Variants in GPC1 observed in about 807,000 individuals in gnomAD.
GPC1 encodes glypican 1.
A neutral mutation model predicts 51.5 loss-of-function variants in GPC1; 26 were observed. The observed-to-expected ratio is 0.50, with a 90% CI of 0.37 to 0.70. The LOEUF is 0.70. Among genes scored for constraint, GPC1 ranks in the 30% least tolerant of loss-of-function variants. GPC1 has a pLI of 0.00. For synonymous variants in GPC1, 380 were observed against 348.3 expected (o/e 1.09, Z -1.01); for missense variants, 775 against 800.5 (o/e 0.97, Z 0.38).
chr2:240,446,152 C>G (rs58375515), intron 1 of GPC1, among the ~76,000 whole-genome samples: 2,132 of 152,372 alleles, frequency 0.014, 43 homozygotes, highest in African/African-American at 0.049. Flanking sequence ...TGTGTCTGCG[C>G]CCAGGAGGGC....
rs1345540973 is a variant in GPC1, at chr2:240,467,248, CAG to C, written c.*959_*960del. 1 of 152,326 alleles carries C rather than the reference CAG, an allele frequency of 6.6e-6. No homozygotes were observed. Among genetic ancestry groups the C allele is most frequent in the Admixed American group, 6.5e-5 (1 of 15,290 alleles). The allele number at this position is 152,326 out of a possible 1,614,324, so 9.4% of individuals were successfully genotyped here. A position where few individuals can be genotyped will look rare whatever the true frequency, so the allele number is the denominator to read the frequency against. On this transcript the variant is annotated 3_prime_UTR_variant, in exon 9 of 9. Transcript: ENST00000264039. ...GTGACCCTCAGCTGTCACCTGCTCA[CAG>C]GGATGCTGGTGGCTGGTGAGACCCC...
chr2:240,458,191 A>C (rs1310960517), intron 1 of GPC1: 4 of 411,346 alleles, frequency 9.7e-6, no homozygotes, highest in Non-Finnish European at 1.6e-5. Flanking sequence ...ACACCCTTTA[A>C]AAAATGCAGT....
At chr2:240,437,006 C>A (rs1033828119) in intron 1 of GPC1, among the ~76,000 whole-genome samples, 25 of 152,356 alleles carry the variant, frequency 1.6e-4, no homozygotes, top group African/African-American at 6.0e-4. Context: ...TCTTGGAACC[C>A]AAGCTTCACC....
Position 240,462,508 on chromosome 2 carries a change from C to G in GPC1, c.643C>G (p.Arg215Gly), listed in dbSNP as rs748090900. The G allele has an allele frequency of 1.9e-6, 3 of 1,590,392 alleles. No individual in the cohort carries two copies. The highest frequency in any genetic ancestry group is 1.7e-6 in the Non-Finnish European group (2 of 1,169,904). ...GAGAGAGCTGCGCCTGCGGGCCACC[C>G]GTGCCTTCGTGGCTGCTCGCTCCTT... ...APRELRLRAT[R>G]AFVAARSFVQ... The change falls in exon 3 of 9, where the codon CGT becomes GGT. Residue 215 changes from arginine (R) to glycine (G), a missense_variant. Transcript: ENST00000264039.
chr2:240,458,005 C>T (rs117035719), intron 1 of GPC1: 101 of 469,170 alleles, frequency 2.2e-4, no homozygotes, highest in East Asian at 2.0e-3. Context: ...GCCTTAGAGG[C>T]GGGGGACGAG....
At chr2:240,460,122 C>G (rs2074204266) in intron 2 of GPC1, among the ~76,000 whole-genome samples, 1 of 152,204 alleles carries the variant, frequency 6.6e-6, no homozygotes, top group African/African-American at 2.4e-5. Context: ...GAGAGTCTGC[C>G]TGTCCCCAGG....
intron 1 of GPC1, chr2:240,450,662 C>T (rs1297610533): frequency 2.1e-6 from 1 of 470,532 alleles, no homozygotes; most frequent in South Asian, 1.5e-5. Context: ...CGTGCTTCCT[C>T]TGGGGAGGAG....
At position 240,466,546 on chromosome 2, in the gene GPC1, G is replaced by A. The variant is rs1457432045; in HGVS notation, c.*256G>A. On this transcript the variant is annotated 3_prime_UTR_variant, in exon 9 of 9. Coordinates refer to ENST00000264039, the MANE Select transcript of GPC1 (RefSeq NM_002081.3). ...AAGCCATGTATTTCAGGGACCTCAG[G>A]GGCACCTCCGGCTGCCTAGCCCTCC... The A allele has an allele frequency of 7.3e-5, 37 of 508,484 alleles. 1 individual carries two copies. Among genetic ancestry groups the A allele is most frequent in the Non-Finnish European group, 3.1e-5 (9 of 287,116 alleles). 31.5% of individuals were successfully genotyped at this position (508,484 alleles called of 1,614,324 possible). A position where few individuals can be genotyped will look rare whatever the true frequency, so the allele number is the denominator to read the frequency against.
At position 240,435,931 on chromosome 2, in the gene GPC1, G is replaced by A. The variant is rs1410607732; in HGVS notation, c.13G>A (p.Ala5Thr). MELRARGWWLLCAAA... is the reference protein window; with the variant it reads MELRTRGWWLLCAAA... ...CGCCGGCCCCGCCATGGAGCTCCGG[G>A]CCCGAGGCTGGTGGCTGCTATGTGC... Residue 5 changes from alanine (A) to threonine (T), a missense_variant, in exon 1 of 9, where the codon GCC becomes ACC. Ala to Thr is a moderately conservative substitution (Grantham distance 58, BLOSUM62 0). Coordinates refer to ENST00000264039, the MANE Select transcript of GPC1 (RefSeq NM_002081.3). 2.4e-6 allele frequency: 3 copies of A among 1,264,850 alleles called. No individual in the cohort carries two copies. The highest frequency in any genetic ancestry group is 3.2e-5 in the East Asian group (1 of 31,190). The allele number at this position is 1,264,850 out of a possible 1,614,324, so 78.4% of individuals were successfully genotyped here.
At chr2:240,455,245 C>A (rs940794501) in intron 1 of GPC1, among the ~76,000 whole-genome samples, 2 of 152,138 alleles carry the variant, frequency 1.3e-5, no homozygotes, top group Admixed American at 6.5e-5. Context: ...CCCCTTCCCC[C>A]CCAAAAAAAT....
chr2:240,450,280 C>T (rs1248656017), intron 1 of GPC1: 1 of 330,126 alleles, frequency 3.0e-6, no homozygotes, highest in Non-Finnish European at 5.9e-6. Flanking sequence ...TGGGACCGCC[C>T]AGACCTCTCT....
intron 1 of GPC1, chr2:240,458,371 A>G (rs1272316666): frequency 1.2e-5 from 3 of 246,924 alleles, no homozygotes; most frequent in African/African-American, 4.4e-5. Context: ...AGCTCATGGC[A>G]GGCTGCAGAG....
intron 1 of GPC1, among the ~76,000 whole-genome samples, chr2:240,454,260 T>TA (rs1046812243): frequency 1.3e-5 from 2 of 152,136 alleles, no homozygotes; most frequent in Non-Finnish European, 2.9e-5. Flanking sequence ...GCAGGCTTCT[T>TA]AGAGGATGGG....
intron 1 of GPC1, among the ~76,000 whole-genome samples, chr2:240,446,650 C>T (rs536135599): frequency 9.2e-5 from 14 of 152,314 alleles, no homozygotes; most frequent in South Asian, 4.1e-4. Context: ...GTCCTGTCCT[C>T]GGCCTCCCAT....
intron 1 of GPC1, chr2:240,457,974 A>C: frequency 2.2e-6 from 1 of 462,994 alleles, no homozygotes. Context: ...ACTGTGCCTG[A>C]CCTAGGCCAG....
rs754647786 is a variant in GPC1, at chr2:240,436,024, C to A, written c.106C>A (p.Arg36Ser). ...ASKSRSCGEVRQIYGAKGFSL... is the reference protein window; with the variant it reads ...ASKSRSCGEVSQIYGAKGFSL... ...CAAGAGCCGGAGCTGCGGCGAGGTC[C>A]GCCAGATCTACGGAGCCAAGGGCTT... The change falls in exon 1 of 9, where the codon CGC (arginine) becomes AGC (serine). Residue 36 changes from arginine to serine, a missense_variant. Arg to Ser is a moderately radical substitution (Grantham distance 110). Coordinates refer to ENST00000264039, the MANE Select transcript of GPC1 (RefSeq NM_002081.3). 8 of 1,386,906 alleles carry A rather than the reference C, an allele frequency of 5.8e-6. No individual in the cohort carries two copies. The highest frequency in any genetic ancestry group is 6.6e-6 in the Non-Finnish European group (7 of 1,067,552). The allele number at this position is 1,386,906 out of a possible 1,614,324, so 85.9% of individuals were successfully genotyped here. A position where few individuals can be genotyped will look rare whatever the true frequency, so the allele number is the denominator to read the frequency against.
At chr2:240,459,402 C>G (rs565635916) in intron 2 of GPC1, among the ~76,000 whole-genome samples, 2 of 152,284 alleles carry the variant, frequency 1.3e-5, no homozygotes, top group South Asian at 2.1e-4. Flanking sequence ...TTGACACCCC[C>G]CTGGGAGTGT....
chr2:240,445,039 G>A (rs1381352318), intron 1 of GPC1, among the ~76,000 whole-genome samples: 1 of 152,172 alleles, frequency 6.6e-6, no homozygotes, highest in Non-Finnish European at 1.5e-5. Context: ...TGGACCCAAG[G>A]AGGTATTTTA....
Position 240,462,174 on chromosome 2 carries a change from C to A in GPC1, c.326-17C>A. The A allele has an allele frequency of 6.4e-7, 1 of 1,559,982 alleles. No individual in the cohort carries two copies. Among genetic ancestry groups the A allele is most frequent in the Non-Finnish European group, 8.7e-7 (1 of 1,149,190 alleles). On this transcript the variant is annotated splice_polypyrimidine_tract_variant and intron_variant, in intron 2 of 8. Coordinates refer to ENST00000264039, the MANE Select transcript of GPC1 (RefSeq NM_002081.3). ...GGGGGAAACATGGTCCCGATCACGC[C>A]CCCTCCCTGTGCGCAGACCACTTCC...
Sources: gnomAD v4.1 joint callset for allele counts (sites outside exome capture counted in the v4.1 genomes callset) on GRCh38, gnomAD v4.1.1 for gene constraint, MANE v1.5 for transcripts, NCBI Gene and HGNC (gene_info 2026-07-23, HGNC 2026-07-21) for gene names.